Variants in DSCAM observed in about 807,000 individuals in gnomAD.
The protein encoded by DSCAM is DS cell adhesion molecule, also known as cell adhesion molecule DSCAM.
Under a neutral mutation model 217.7 loss-of-function variants are expected in DSCAM, and 47 were observed. That is an observed-to-expected ratio of 0.22 (90% CI 0.17 to 0.28). DSCAM has a LOEUF of 0.28. Among genes scored for constraint, DSCAM ranks in the 10% least tolerant of loss-of-function variants. The pLI, the probability that DSCAM is intolerant of heterozygous loss-of-function variation, is 1.00. For synonymous variants in DSCAM, 1,056 were observed against 1,015.3 expected, an observed-to-expected ratio of 1.04 and a Z score of -0.76; for missense variants, 2,080 against 2,618.3, an observed-to-expected ratio of 0.79 and a Z score of 4.49.
At chr21:40,534,871 T>C (rs1193917632) in intron 3 of DSCAM, among the ~76,000 whole-genome samples, 1 of 152,190 alleles carries the variant, frequency 6.6e-6, no homozygotes, top group African/African-American at 2.4e-5. Flanking sequence ...TGGGCGGTTG[T>C]AATGATTTCT....
chr21:40,064,461 T>C (rs2089176401), intron 27 of DSCAM, among the ~76,000 whole-genome samples: 1 of 152,170 alleles, frequency 6.6e-6, no homozygotes, highest in Admixed American at 6.5e-5. Flanking sequence ...TACTAAGGAA[T>C]TGCGGAGTCC....
At chr21:40,319,034 T>G (rs1486202266) in intron 8 of DSCAM, among the ~76,000 whole-genome samples, 1 of 152,206 alleles carries the variant, frequency 6.6e-6, no homozygotes, top group African/African-American at 2.4e-5. Flanking sequence ...AACTGTGTCT[T>G]GGGCATATTT....
chr21:40,691,518 C>T (rs2090537631), intron 3 of DSCAM, among the ~76,000 whole-genome samples: 1 of 152,196 alleles, frequency 6.6e-6, no homozygotes, highest in African/African-American at 2.4e-5. Context: ...AGACAACTAA[C>T]ATGACCCCTA....
At chr21:40,459,273 A>C (rs1162519689) in intron 3 of DSCAM, among the ~76,000 whole-genome samples, 1 of 152,168 alleles carries the variant, frequency 6.6e-6, no homozygotes, top group Non-Finnish European at 1.5e-5. Context: ...ACAGGGAATG[A>C]ATCAGATAGT....
intron 18 of DSCAM, among the ~76,000 whole-genome samples, chr21:40,139,809 T>G (rs1329660733): frequency 7.3e-5 from 11 of 150,068 alleles, no homozygotes. Flanking sequence ...GGTGTATGTG[T>G]GGTGTGTGTG....
chr21:40,728,528 C>T (rs2090980944), intron 1 of DSCAM, among the ~76,000 whole-genome samples: 1 of 152,102 alleles, frequency 6.6e-6, no homozygotes, highest in Non-Finnish European at 1.5e-5. Flanking sequence ...AAGCAAATCT[C>T]CTGCCTCAGC....
intron 3 of DSCAM, among the ~76,000 whole-genome samples, chr21:40,477,212 A>C (rs1354783669): frequency 6.6e-6 from 1 of 152,196 alleles, no homozygotes; most frequent in Non-Finnish European, 1.5e-5. Context: ...GAGGAATATG[A>C]ATTCTTTTTC....
chr21:40,451,106 C>A (rs1408780087), intron 3 of DSCAM, among the ~76,000 whole-genome samples: 2 of 152,192 alleles, frequency 1.3e-5, no homozygotes, highest in African/African-American at 4.8e-5. Flanking sequence ...AGATGCTTTG[C>A]AAGTCATCTC....
At chr21:40,455,017 C>T (rs1196714427) in intron 3 of DSCAM, among the ~76,000 whole-genome samples, 3 of 152,100 alleles carry the variant, frequency 2.0e-5, no homozygotes, top group Non-Finnish European at 4.4e-5. Flanking sequence ...AAGGTACTTC[C>T]CTGTAAATGG....
chr21:40,238,691 T>C (rs2073109694), intron 11 of DSCAM, among the ~76,000 whole-genome samples: 2 of 152,230 alleles, frequency 1.3e-5, no homozygotes, highest in Admixed American at 1.3e-4. Context: ...TCTCTTTCCT[T>C]TTCCATGCCT....
intron 8 of DSCAM, among the ~76,000 whole-genome samples, chr21:40,333,110 G>T (rs1386119002): frequency 2.0e-5 from 3 of 152,246 alleles, no homozygotes; most frequent in African/African-American, 7.2e-5. Flanking sequence ...TCACTGTGTG[G>T]TCTCCCAGGA....
intron 15 of DSCAM, among the ~76,000 whole-genome samples, chr21:40,169,627 C>T (rs1380375462): frequency 6.6e-6 from 1 of 152,098 alleles, no homozygotes; most frequent in African/African-American, 2.4e-5. Flanking sequence ...GATTCTCCAG[C>T]ATATGTGGTT....
intron 3 of DSCAM, among the ~76,000 whole-genome samples, chr21:40,513,945 G>T (rs1400669885): frequency 6.6e-6 from 1 of 152,148 alleles, no homozygotes; most frequent in Non-Finnish European, 1.5e-5. Context: ...ACAGAAAACA[G>T]AAAGGCACTT....
chr21:40,059,437 T>TG (rs1263890653), intron 28 of DSCAM, among the ~76,000 whole-genome samples: 1 of 152,158 alleles, frequency 6.6e-6, no homozygotes, highest in Non-Finnish European at 1.5e-5. Flanking sequence ...TCTGGGGTGA[T>TG]GTGCATGGGT....
intron 8 of DSCAM, among the ~76,000 whole-genome samples, chr21:40,330,761 G>A (rs945822262): frequency 1.3e-5 from 2 of 152,110 alleles, no homozygotes; most frequent in African/African-American, 4.8e-5. Context: ...AAAAAGGGAG[G>A]ACAGTGAAAG....
At chr21:40,578,052 T>C (rs2076869161) in intron 3 of DSCAM, among the ~76,000 whole-genome samples, 1 of 152,124 alleles carries the variant, frequency 6.6e-6, no homozygotes, top group African/African-American at 2.4e-5. Context: ...ACAGAGTTAG[T>C]AAAAACAAAG....
At chr21:40,826,531 G>A (rs1249701068) in intron 1 of DSCAM, among the ~76,000 whole-genome samples, 1 of 152,252 alleles carries the variant, frequency 6.6e-6, no homozygotes, top group African/African-American at 2.4e-5. Flanking sequence ...TCAGCTGTGA[G>A]TTGGCAGATT....
chr21:40,599,291 G>C (rs2077044967), intron 3 of DSCAM, among the ~76,000 whole-genome samples: 1 of 152,116 alleles, frequency 6.6e-6, no homozygotes, highest in Non-Finnish European at 1.5e-5. Context: ...TACCATGGTG[G>C]TTTGCTGTAC....
chr21:40,290,579 C>T (rs2123429337), intron 10 of DSCAM, among the ~76,000 whole-genome samples: 1 of 152,276 alleles, frequency 6.6e-6, no homozygotes, highest in Admixed American at 6.5e-5. Context: ...CAAGATCGTG[C>T]CACTGCACTC....
Sources: gnomAD v4.1 joint callset for allele counts (sites outside exome capture counted in the v4.1 genomes callset) on GRCh38, gnomAD v4.1.1 for gene constraint, MANE v1.5 for transcripts, NCBI Gene and HGNC (gene_info 2026-07-23, HGNC 2026-07-21) for gene names.